The following FBXW11 variants were observed in gnomAD, a reference collection of about 807,000 sequenced individuals.
FBXW11 encodes the protein F-box and WD repeat domain containing 11, also known as F-box/WD repeat-containing protein 11.
A neutral mutation model predicts 77.6 loss-of-function variants in FBXW11; 19 were observed. The ratio of observed to expected loss-of-function variants is 0.24; its 90% CI spans 0.17 to 0.36. The LOEUF (loss-of-function observed/expected upper bound fraction) is 0.36, where lower values mean the gene tolerates loss of function less well. FBXW11 is among the 10% of genes least tolerant of loss of function. FBXW11 has a pLI of 1.00. For synonymous variants in FBXW11, 235 were observed against 249.4 expected (o/e 0.94, Z 0.54); for missense variants, 334 against 704.2 (o/e 0.47, Z 5.95).
At chr5:171,925,193 A>G (rs1466906457) in intron 2 of FBXW11, among the ~76,000 whole-genome samples, 1 of 152,110 alleles carries the variant, frequency 6.6e-6, no homozygotes, top group Non-Finnish European at 1.5e-5. Flanking sequence ...TACCACACAC[A>G]CACTAGGTAT....
chr5:171,999,399 A>AT lies in FBXW11; in HGVS notation c.45+7058_45+7059insA, dbSNP rs1561763799. On this transcript the variant is annotated intron_variant, in intron 1 of 13. Transcript: ENST00000517395. ...TTTCTCCCTTCCCTTCAAAAAAAAAAAATATATATATATATACACACACAT... is the reference window on the plus strand; with the variant it reads ...TTTCTCCCTTCCCTTCAAAAAAAAAATAATATATATATATATACACACACAT... Among the ~76,000 whole-genome samples, 62 of 139,536 alleles carry AT rather than the reference A, an allele frequency of 4.4e-4. 3 individuals are homozygous for AT. The South Asian group carries it at 0.011, about 24-fold the overall frequency. The allele number at this position is 139,536 out of a possible 152,430, so 91.5% of individuals were successfully genotyped here.
intron 1 of FBXW11, among the ~76,000 whole-genome samples, chr5:171,962,712 G>A (rs1763973591): frequency 6.6e-6 from 1 of 152,102 alleles, no homozygotes; most frequent in African/African-American, 2.4e-5. Context: ...TATTACCATA[G>A]GAACCACAAA....
intron 3 of FBXW11, among the ~76,000 whole-genome samples, chr5:171,913,339 T>C (rs531571563): frequency 6.6e-6 from 1 of 152,182 alleles, no homozygotes; most frequent in Non-Finnish European, 1.5e-5. Context: ...ACTAGTTGAC[T>C]GAAAGATAAA....
At chr5:171,914,488 A>C in intron 2 of FBXW11, 83 bp from the exon 3 acceptor site, 1 of 1,203,004 alleles carries the variant, frequency 8.3e-7, no homozygotes, top group Non-Finnish European at 1.1e-6. Context: ...TTGAAAACCC[A>C]AACTAGAGTG....
intron 2 of FBXW11, among the ~76,000 whole-genome samples, chr5:171,922,157 ATT>A (rs1761636240): frequency 6.6e-6 from 1 of 152,228 alleles, no homozygotes; most frequent in Admixed American, 6.5e-5. Flanking sequence ...ACTACATATT[ATT>A]CTCAATTTTC....
At chr5:172,001,688 C>T (rs1263228529) in intron 1 of FBXW11, among the ~76,000 whole-genome samples, 1 of 152,170 alleles carries the variant, frequency 6.6e-6, no homozygotes, top group Admixed American at 6.6e-5. Context: ...TATACAGACA[C>T]AAAAACCAGA....
intron 7 of FBXW11, among the ~76,000 whole-genome samples, chr5:171,879,608 T>C (rs1207812745): frequency 6.6e-6 from 1 of 152,224 alleles, no homozygotes; most frequent in Admixed American, 6.5e-5. Flanking sequence ...CTCACCAGCA[T>C]TGGGTGTTGT....
In FBXW11 at chr5:171,899,034, T is replaced by C. The variant is rs781368229; in HGVS notation, c.684A>G (p.Ser228=). Residue 228 remains serine (S), a synonymous_variant, in exon 6 of 14, where the codon TCA becomes TCG. Coordinates refer to ENST00000517395, the MANE Select transcript of FBXW11 (RefSeq NM_001378974.1). The stretch of plus-strand genomic sequence containing the variant: ...TATCCTGGATAATCTTTGGGTATAA[T>C]GACCTATAAAATGAATTTGGAGGGC... ...TDGPPNSFYR[S]LYPKIIQDIE... is the part of the protein sequence containing the mutation. The C allele has an allele frequency of 5.0e-5, 81 of 1,608,044 alleles. No individual in the cohort carries two copies. Among genetic ancestry groups the C allele is most frequent in the Non-Finnish European group, 6.8e-5 (80 of 1,177,730 alleles).
At chr5:171,946,805 CTTTTTTTTTTTTT>C (rs70982356) in intron 2 of FBXW11, among the ~76,000 whole-genome samples, 2 of 58,634 alleles carry the variant, frequency 3.4e-5, no homozygotes, top group African/African-American at 1.6e-4. Context: ...GTGTACTTTA[CTTTTTTTTTTTTT>C]TTTTTTTTTT....
At chr5:171,878,553 A>AGTGTGTGTGTGTGTGTGTGTGTGTGTGT (rs34933781) in intron 7 of FBXW11, among the ~76,000 whole-genome samples, 1 of 105,394 alleles carries the variant, frequency 9.5e-6, no homozygotes, top group African/African-American at 3.6e-5. Flanking sequence ...TCTCCATAAG[A>AGTGTGTGTGTGTGTGTGTGTGTGTGTGT]GTGTGTGAGT....
intron 8 of FBXW11, 83 bp downstream of exon 8, chr5:171,877,928 T>C: frequency 1.0e-6 from 1 of 964,616 alleles, no homozygotes; most frequent in Non-Finnish European, 1.6e-6. Context: ...AGTTTGTGTA[T>C]GCCTCTCCCA....
intron 3 of FBXW11, among the ~76,000 whole-genome samples, chr5:171,911,781 C>T (rs958405443): frequency 6.6e-6 from 1 of 152,148 alleles, no homozygotes; most frequent in African/African-American, 2.4e-5. Context: ...AAAACTGAAA[C>T]TACATACACT....
intron 6 of FBXW11, among the ~76,000 whole-genome samples, chr5:171,897,987 G>C (rs920132078): frequency 2.0e-5 from 3 of 152,136 alleles, no homozygotes; most frequent in Admixed American, 6.6e-5. Context: ...GATTTATCTA[G>C]TGAAAGTTTT....
chr5:171,905,913 A>C (rs1167518318), intron 4 of FBXW11, among the ~76,000 whole-genome samples: 3 of 152,170 alleles, frequency 2.0e-5, no homozygotes, highest in Non-Finnish European at 4.4e-5. Context: ...ACAAGAGGAC[A>C]CATTACAGCC....
chr5:171,882,814 G>A (rs1311231072), intron 7 of FBXW11, among the ~76,000 whole-genome samples: 1 of 151,122 alleles, frequency 6.6e-6, no homozygotes, highest in East Asian at 1.9e-4. Context: ...TTTTCCATAA[G>A]CTATTGTACA....
At chr5:171,939,755 T>C (rs540580132) in intron 2 of FBXW11, among the ~76,000 whole-genome samples, 2 of 150,990 alleles carry the variant, frequency 1.3e-5, no homozygotes, top group South Asian at 2.1e-4. Flanking sequence ...ATCTTTAGTA[T>C]GGCTAGTGTT....
intron 6 of FBXW11, among the ~76,000 whole-genome samples, chr5:171,896,340 A>C (rs1759744305): frequency 6.6e-6 from 1 of 152,194 alleles, no homozygotes; most frequent in South Asian, 2.1e-4. Flanking sequence ...GGGGGACATA[A>C]ACAGCCACTT....
chr5:171,906,160 CTT>C (rs1035520679), intron 4 of FBXW11, among the ~76,000 whole-genome samples: 6 of 152,166 alleles, frequency 3.9e-5, no homozygotes, highest in Non-Finnish European at 8.8e-5. Context: ...ATTACAGAAA[CTT>C]TTATTATTTT....
At chr5:172,006,147 T>C (rs1383605221) in intron 1 of FBXW11, among the ~76,000 whole-genome samples, 2 of 151,628 alleles carry the variant, frequency 1.3e-5, no homozygotes, top group Non-Finnish European at 2.9e-5. Flanking sequence ...GAGAATGGGG[T>C]GCTAGAGCGA....
Sources: gnomAD v4.1 joint callset for allele counts (sites outside exome capture counted in the v4.1 genomes callset) on GRCh38, gnomAD v4.1.1 for gene constraint, MANE v1.5 for transcripts, NCBI Gene and HGNC (gene_info 2026-07-23, HGNC 2026-07-21) for gene names.